Variants in KCNJ5 observed in about 807,000 individuals in gnomAD.
The protein encoded by KCNJ5 is potassium inwardly rectifying channel subfamily J member 5.
In KCNJ5, 12 loss-of-function variants were observed where a neutral mutation model predicts 20.2. That is an observed-to-expected ratio of 0.59 (90% CI 0.38 to 0.96). The LOEUF (loss-of-function observed/expected upper bound fraction) is 0.96. KCNJ5 is among the 40% of genes least tolerant of loss of function. KCNJ5 has a pLI of 0.00. For synonymous variants in KCNJ5, 210 were observed against 213.9 expected, an observed-to-expected ratio of 0.98 and a Z score of 0.16; for missense variants, 449 against 557.6, an observed-to-expected ratio of 0.81 and a Z score of 1.96.
intron 1 of KCNJ5, chr11:128,901,678 G>A (rs921726487): frequency 1.3e-5 from 2 of 152,256 alleles, no homozygotes; most frequent in Non-Finnish European, 2.9e-5. Flanking sequence ...CATGTGGGGA[G>A]CTCCCCTTTG....
At chr11:128,905,720 A>G (rs1245356731) in intron 1 of KCNJ5, 2 of 149,824 alleles carry the variant, frequency 1.3e-5, no homozygotes. Context: ...GAAAGGTCTT[A>G]GAAAATTCCT....
chr11:128,916,180 ATC>A (rs1437537176), intron 2 of KCNJ5, among the ~76,000 whole-genome samples: 33 of 108,674 alleles, frequency 3.0e-4, no homozygotes, highest in African/African-American at 1.2e-3. Context: ...TTTTTTCCAT[ATC>A]TGGATGGATG....
chr11:128,902,782 C>T, intron 1 of KCNJ5: 1 of 1,497,108 alleles, frequency 6.7e-7, no homozygotes, highest in Non-Finnish European at 9.0e-7. Flanking sequence ...ACAGCACTCT[C>T]AGCCTAACTC....
intron 1 of KCNJ5, among the ~76,000 whole-genome samples, chr11:128,895,552 G>C (rs1020670063): frequency 6.6e-6 from 1 of 152,226 alleles, no homozygotes; most frequent in African/African-American, 2.4e-5. Flanking sequence ...CAGTATGAAG[G>C]CTTCCCCGGC....
At chr11:128,905,398 T>G (rs1378920068) in intron 1 of KCNJ5, among the ~76,000 whole-genome samples, 1 of 151,892 alleles carries the variant, frequency 6.6e-6, no homozygotes, top group Non-Finnish European at 1.5e-5. Flanking sequence ...GGGTGAGGGG[T>G]CTCCCCTGTG....
intron 1 of KCNJ5, chr11:128,902,375 G>T: frequency 1.4e-6 from 1 of 722,772 alleles, no homozygotes. Context: ...TTTACTGTTG[G>T]TGAACTGGAG....
At chr11:128,902,491 G>A (rs1405814271) in intron 1 of KCNJ5, 4 of 1,547,220 alleles carry the variant, frequency 2.6e-6, no homozygotes, top group East Asian at 4.9e-5. Context: ...GAACAGGGAT[G>A]TCATAGCAGC....
rs775971296 is a variant in KCNJ5, at chr11:128,912,014, G to A, written c.741G>A (p.Gly247=). ...KLIKSRQTKE[G]EFIPLNQTDI... ...TCAAGTCCCGGCAGACCAAAGAGGG[G>A]GAGTTCATCCCCCTGAACCAGACAG... Residue 247 remains glycine, a synonymous_variant, in exon 2 of 3, where the codon GGG becomes GGA. Coordinates refer to ENST00000529694, the MANE Select transcript of KCNJ5 (RefSeq NM_000890.5). 6.2e-7 allele frequency: 1 copy of A among 1,611,030 alleles called. No homozygotes were observed.
chr11:128,899,234 A>G (rs891129568), intron 1 of KCNJ5, among the ~76,000 whole-genome samples: 3 of 152,216 alleles, frequency 2.0e-5, no homozygotes, highest in Non-Finnish European at 4.4e-5. Context: ...AATGGGGAGA[A>G]CAGTATCTAC....
In KCNJ5 at chr11:128,920,432, G is replaced by A. The variant is rs924527428; in HGVS notation, c.*3701G>A. The A allele has an allele frequency of 1.3e-5, 2 of 152,188 alleles. No individual in the cohort carries two copies. The highest frequency in any genetic ancestry group is 2.1e-4 in the South Asian group (1 of 4,826). 9.4% of individuals were successfully genotyped at this position (152,188 alleles called of 1,614,324 possible). A position where few individuals can be genotyped will look rare whatever the true frequency, so the allele number is the denominator to read the frequency against. ...CGCTTTTTCACACCCCTTATCTCAC[G>A]GCTTGCTTCCAGCCCCCATCAATCC... is the stretch of plus-strand genomic sequence containing the variant. On this transcript the variant is annotated 3_prime_UTR_variant, in exon 3 of 3. Transcript: ENST00000529694.
intron 1 of KCNJ5, among the ~76,000 whole-genome samples, chr11:128,898,204 T>C (rs1311819488): frequency 2.6e-5 from 4 of 152,258 alleles, no homozygotes; most frequent in Non-Finnish European, 5.9e-5. Flanking sequence ...TTGTGAGATT[T>C]TGATAGAAAT....
intron 1 of KCNJ5, chr11:128,899,592 A>G (rs1448234562): frequency 6.6e-6 from 1 of 152,184 alleles, no homozygotes; most frequent in Non-Finnish European, 1.5e-5. Flanking sequence ...TTAATTATTA[A>G]TCCCTTTTAT....
Position 128,911,657 on chromosome 11 carries a change from T to C in KCNJ5, c.384T>C (p.Pro128=). 1 of 1,614,250 alleles carries C rather than the reference T, an allele frequency of 6.2e-7. No individual in the cohort carries two copies. Among genetic ancestry groups the C allele is most frequent in the African/African-American group, 1.3e-5 (1 of 75,062 alleles). ...LDHVGDQEWI[P]CVENLSGFVS... ...ATGTTGGCGACCAAGAGTGGATTCC[T>C]TGTGTTGAAAACCTCAGTGGCTTCG... Residue 128 remains proline, a synonymous_variant, in exon 2 of 3, where the codon CCT becomes CCC. Transcript: ENST00000529694. This position sits in a 1 kb window ranked among gnomAD's most constrained non-coding sequence, Gnocchi z 6.3.
rs546132332 is a variant in KCNJ5 at position 128,895,390 on chromosome 11, C to T, written c.-11+3669C>T. 2.8e-3 allele frequency among the ~76,000 whole-genome samples: 413 copies of T among 146,792 alleles called. 4 individuals carry two copies. The highest frequency in any genetic ancestry group is 9.6e-3 in the African/African-American group (382 of 39,780). ...CCTTAGAGTGTGCCCCCACCCCCCC[C>T]CCAACCCCAGGGATGACTGCACTGC... On this transcript the variant is annotated intron_variant, in intron 1 of 2. Transcript: ENST00000529694.
Position 128,916,569 on chromosome 11 carries a change from G to T in KCNJ5, c.1098G>T (p.Glu366Asp). Residue 366 changes from glutamate to aspartate, a missense_variant, in exon 3 of 3, where the codon GAG becomes GAT. Glu to Asp is a conservative substitution (Grantham distance 45). Around this residue, in one of 5 missense-constraint regions of KCNJ5, gnomAD observed 34 missense variants for 63.8 expected, o/e 0.53. Transcript: ENST00000529694. The stretch of plus-strand genomic sequence containing the variant: ...ACACACCCAGCTGCTGTGCCAAGGA[G>T]CTGGCAGAAATGAAGAGGGAAGGCC... The part of the protein sequence containing the change: ...ETNTPSCCAK[E>D]LAEMKREGRL... 2 of 1,614,156 alleles carry T rather than the reference G, an allele frequency of 1.2e-6. No homozygotes were observed.
intron 1 of KCNJ5, among the ~76,000 whole-genome samples, chr11:128,906,400 C>T (rs79633710): frequency 0.021 from 3,169 of 152,328 alleles, 101 homozygotes; most frequent in African/African-American, 0.073. Context: ...ACAGCACCCA[C>T]TTATCAGCTC....
At chr11:128,895,591 T>C (rs1369455867) in intron 1 of KCNJ5, among the ~76,000 whole-genome samples, 1 of 152,176 alleles carries the variant, frequency 6.6e-6, no homozygotes, top group Non-Finnish European at 1.5e-5. Flanking sequence ...GAAGTGTCCT[T>C]CTCCAGAAGA....
At chr11:128,895,948 G>A (rs1944170107) in intron 1 of KCNJ5, among the ~76,000 whole-genome samples, 2 of 152,160 alleles carry the variant, frequency 1.3e-5, no homozygotes, top group South Asian at 4.1e-4. Flanking sequence ...AGGGAGGCCT[G>A]GGCCTGCGGC....
rs941293814 is a variant in KCNJ5 at position 128,919,517 on chromosome 11, C to A, written c.*2786C>A. 1 of 152,284 alleles carries A rather than the reference C, an allele frequency of 6.6e-6. No individual in the cohort carries two copies. Among genetic ancestry groups the A allele is most frequent in the African/African-American group, 2.4e-5 (1 of 41,474 alleles). 9.4% of individuals were successfully genotyped at this position (152,284 alleles called of 1,614,324 possible). On this transcript the variant is annotated 3_prime_UTR_variant, in exon 3 of 3. Coordinates refer to ENST00000529694, the MANE Select transcript of KCNJ5 (RefSeq NM_000890.5). Reference sequence around the variant, plus strand: ...AAGCAAGAAGACTCCCCCTTCACATCCTGAGGAAATCCCCTTCCTGGTGAC... The same window carrying A: ...AAGCAAGAAGACTCCCCCTTCACATACTGAGGAAATCCCCTTCCTGGTGAC...
Sources: allele counts gnomAD v4.1 joint callset (sites outside exome capture counted in the v4.1 genomes callset), GRCh38; gene constraint gnomAD v4.1.1; regional missense constraint gnomAD v4.1.1; non-coding constraint Gnocchi (gnomAD v3.1); transcripts MANE v1.5; gene names NCBI Gene and HGNC (gene_info 2026-07-23, HGNC 2026-07-21).